LMO3: variants seen among roughly 807,000 people sequenced by gnomAD.
LMO3 encodes LIM domain only 3, also known as LIM domain only protein 3.
Under a neutral mutation model 15.8 loss-of-function variants are expected in LMO3, and 2 were observed. The observed-to-expected ratio is 0.13, with a 90% CI of 0.05 to 0.40. LMO3 has a LOEUF of 0.40. LMO3 is among the 10% of genes least tolerant of loss of function. LMO3 has a pLI of 0.99. For synonymous variants in LMO3, 62 were observed against 63.8 expected, an observed-to-expected ratio of 0.97 and a Z score of 0.13; for missense variants, 86 against 182.2, an observed-to-expected ratio of 0.47 and a Z score of 3.04.
chr12:16,587,329 GGTAA>G lies in LMO3; in HGVS notation c.206+13322_206+13325del, dbSNP rs1175348594. On this transcript the variant is annotated intron_variant, in intron 2 of 3. Transcript: ENST00000537304. The surrounding 1 kb of genome is among the most constrained non-coding windows in gnomAD (Gnocchi z 4.3). ...ACTGCAGTGTTACAGCTTTCTAAAT[GGTAA>G]GTAACTGTTTAAAAATTCCAAAGCA... Among the ~76,000 whole-genome samples, 3 of 152,092 alleles carry G rather than the reference GGTAA, an allele frequency of 2.0e-5. No individual in the cohort carries two copies. The highest frequency in any genetic ancestry group is 4.8e-5 in the African/African-American group (2 of 41,418).
At chr12:16,561,231 T>C (rs1163532545) in intron 2 of LMO3, among the ~76,000 whole-genome samples, 1 of 152,188 alleles carries the variant, frequency 6.6e-6, no homozygotes, top group Non-Finnish European at 1.5e-5. Flanking sequence ...GAATCGTTAT[T>C]GTAATGACCT....
rs538020152 is a variant in LMO3 at position 16,597,226 on chromosome 12, T to C, written c.206+3429A>G. 3.9e-4 allele frequency among the ~76,000 whole-genome samples: 59 copies of C among 151,864 alleles called. No individual in the cohort carries two copies. Among genetic ancestry groups the C allele is most frequent in the African/African-American group, 1.4e-3 (59 of 41,526 alleles). ...GATTTGATACTTAGTGTACAAACTA[T>C]GGAAGATTTTTCTTTCTTTTTCTCT... On this transcript the variant is annotated intron_variant, in intron 2 of 3. Transcript: ENST00000537304. The surrounding 1 kb of genome is among the most constrained non-coding windows in gnomAD (Gnocchi z 5.0).
chr12:16,550,302 T>C lies in LMO3; in HGVS notation c.*920A>G, dbSNP rs1397903108. ...TTTATACAAGAAGAAGTTTAATTTA[T>C]CACTTAAAAATCATCTCATAATTGT... is the stretch of plus-strand genomic sequence containing the variant. On this transcript the variant is annotated 3_prime_UTR_variant, in exon 4 of 4. Transcript: ENST00000537304. The C allele has an allele frequency of 6.6e-6, 1 of 152,464 alleles. No individual in the cohort carries two copies. Among genetic ancestry groups the C allele is most frequent in the Non-Finnish European group, 1.5e-5 (1 of 67,908 alleles). The allele number at this position is 152,464 out of a possible 1,614,324, so 9.4% of individuals were successfully genotyped here.
chr12:16,605,317 C>T lies in LMO3; in HGVS notation c.-9+749G>A, dbSNP rs572125063. The T allele has an allele frequency of 1.7e-5, 20 of 1,162,362 alleles. No homozygotes were observed. The Admixed American group carries it at 2.2e-4, about 13-fold the overall frequency. The allele number at this position is 1,162,362 out of a possible 1,614,324, so 72.0% of individuals were successfully genotyped here. A position where few individuals can be genotyped will look rare whatever the true frequency, so the allele number is the denominator to read the frequency against. The stretch of plus-strand genomic sequence containing the variant: ...AAATCTGACTTGTATTTCATAACAG[C>T]AATCTGAGTAGTCCCCGTAAAAAAT... On this transcript the variant is annotated intron_variant, in intron 1 of 3. Transcript: ENST00000537304.
At position 16,560,576 on chromosome 12, in the gene LMO3, T is replaced by TA; in HGVS notation, c.207-39dup. 1.3e-6 allele frequency: 2 copies of TA among 1,582,312 alleles called. No homozygotes were observed. Among genetic ancestry groups the TA allele is most frequent in the Non-Finnish European group, 1.7e-6 (2 of 1,158,156 alleles). ...ACATTTTTTTTTTTTTACAAACTCT[T>TA]ACAGAGAAATCTGAGATCGTGAAGA... On this transcript the variant is annotated intron_variant, in intron 2 of 3. Coordinates refer to ENST00000537304, the MANE Select transcript of LMO3 (RefSeq NM_018640.5). This position sits in a 1 kb window ranked among gnomAD's most constrained non-coding sequence, Gnocchi z 5.0.
At chr12:16,594,029 C>T (rs572741807) in intron 2 of LMO3, 2 of 932,266 alleles carry the variant, frequency 2.1e-6, no homozygotes, top group South Asian at 2.1e-5. Flanking sequence ...AGTTGTCCTA[C>T]ATGTTAGACT....
chr12:16,575,141 T>C (rs16912040), intron 2 of LMO3, among the ~76,000 whole-genome samples: 1,833 of 152,300 alleles, frequency 0.012, 115 homozygotes, highest in East Asian at 0.11. Context: ...TAATCTAAAC[T>C]TAACATTATG....
intron 3 of LMO3, among the ~76,000 whole-genome samples, chr12:16,554,500 C>A (rs1942111950): frequency 1.3e-5 from 2 of 152,162 alleles, no homozygotes; most frequent in South Asian, 4.1e-4. Context: ...CTCCACTATA[C>A]ACCTGTGAAC....
In LMO3 at chr12:16,598,883, T is replaced by C. The variant is rs948760365; in HGVS notation, c.206+1772A>G. On this transcript the variant is annotated intron_variant, in intron 2 of 3. Coordinates refer to ENST00000537304, the MANE Select transcript of LMO3 (RefSeq NM_018640.5). This position sits in a 1 kb window ranked among gnomAD's most constrained non-coding sequence, Gnocchi z 4.3. ...TTCTTTCAAGTTTACTTAATTTTTG[T>C]CCTTTGGTTTATTAAAACACCTTAA... 1 of 271,478 alleles carries C rather than the reference T, an allele frequency of 3.7e-6. No homozygotes were observed. Among genetic ancestry groups the C allele is most frequent in the Non-Finnish European group, 7.7e-6 (1 of 130,680 alleles). The allele number at this position is 271,478 out of a possible 1,614,324, so 16.8% of individuals were successfully genotyped here.
Position 16,606,055 on chromosome 12 carries a change from G to T in LMO3, c.-9+11C>A. On this transcript the variant is annotated intron_variant, in intron 1 of 3. Coordinates refer to ENST00000537304, the MANE Select transcript of LMO3 (RefSeq NM_018640.5). ...TAAGCCGACGCGTGTGTACACAGTTGCTGCACTTACCTTCTCAATTAAGCG... is the reference window on the plus strand; with the variant it reads ...TAAGCCGACGCGTGTGTACACAGTTTCTGCACTTACCTTCTCAATTAAGCG... 1.8e-6 allele frequency: 1 copy of T among 553,350 alleles called. No individual in the cohort carries two copies. The allele number at this position is 553,350 out of a possible 1,614,324, so 34.3% of individuals were successfully genotyped here.
rs1943507273 is a variant in LMO3, at chr12:16,591,997, T to C, written c.206+8658A>G. Among the ~76,000 whole-genome samples the C allele has an allele frequency of 1.3e-5, 2 of 152,094 alleles. No homozygotes were observed. Among genetic ancestry groups the C allele is most frequent in the African/African-American group, 4.8e-5 (2 of 41,426 alleles). On this transcript the variant is annotated intron_variant, in intron 2 of 3. Coordinates refer to ENST00000537304, the MANE Select transcript of LMO3 (RefSeq NM_018640.5). This position sits in a 1 kb window ranked among gnomAD's most constrained non-coding sequence, Gnocchi z 4.1. ...TTAGTTATTTGACAATAATAGTGAC[T>C]ATGTTTATCAGGTGTAGAAAATTTG...
chr12:16,594,265 AACAAG>A, intron 2 of LMO3: 3 of 1,525,296 alleles, frequency 2.0e-6, no homozygotes, highest in Middle Eastern at 1.7e-4. Context: ...TCAAATGCTT[AACAAG>A]AGGAAGTGCC....
intron 2 of LMO3, among the ~76,000 whole-genome samples, chr12:16,574,672 C>A (rs528972615): frequency 4.2e-4 from 64 of 152,260 alleles, no homozygotes; most frequent in African/African-American, 1.5e-3. Flanking sequence ...GCTCTGTTAA[C>A]TGCAAGACAC....
intron 2 of LMO3, among the ~76,000 whole-genome samples, chr12:16,562,226 G>A (rs1942432517): frequency 6.6e-6 from 1 of 152,034 alleles, no homozygotes; most frequent in South Asian, 2.1e-4. Context: ...TTATTTTTCA[G>A]TGTACTTAAC....
chr12:16,574,909 C>T (rs570842329), intron 2 of LMO3, among the ~76,000 whole-genome samples: 2 of 152,078 alleles, frequency 1.3e-5, no homozygotes, highest in South Asian at 2.1e-4. Flanking sequence ...TGGCCGAGTC[C>T]GAGTCTATGT....
Position 16,606,074 on chromosome 12 carries a change from T to C in LMO3, c.-17A>G. On this transcript the variant is annotated 5_prime_UTR_variant, in exon 1 of 4. Coordinates refer to ENST00000537304, the MANE Select transcript of LMO3 (RefSeq NM_018640.5). ...ACAGTTGCTGCACTTACCTTCTCAA[T>C]TAAGCGATACAGGGGGAGGCCGTTC... The C allele has an allele frequency of 2.0e-6, 1 of 506,372 alleles. No individual in the cohort carries two copies. Among genetic ancestry groups the C allele is most frequent in the Non-Finnish European group, 3.5e-6 (1 of 282,178 alleles). The allele number at this position is 506,372 out of a possible 1,614,324, so 31.4% of individuals were successfully genotyped here. A position where few individuals can be genotyped will look rare whatever the true frequency, so the allele number is the denominator to read the frequency against.
chr12:16,601,324 T>C (rs1453349266), intron 1 of LMO3, among the ~76,000 whole-genome samples: 2 of 152,218 alleles, frequency 1.3e-5, no homozygotes, highest in African/African-American at 2.4e-5. Flanking sequence ...ATGTGCTTGA[T>C]GGTGGAAGGA....
At chr12:16,565,983 CATATATATATATATATATATATATATAT>C (rs61358392) in intron 2 of LMO3, among the ~76,000 whole-genome samples, 598 of 43,852 alleles carry the variant, frequency 0.014, 48 homozygotes, top group South Asian at 0.064. Flanking sequence ...GAAAATGTGC[CATATATATATATATATATATATATATAT>C]ATATATATAT....
intron 2 of LMO3, among the ~76,000 whole-genome samples, chr12:16,566,520 A>G (rs1214491653): frequency 6.6e-6 from 1 of 152,198 alleles, no homozygotes; most frequent in Non-Finnish European, 1.5e-5. Context: ...ACTGTACCCT[A>G]GAAATATGTA....
Sources: allele counts gnomAD v4.1 joint callset (sites outside exome capture counted in the v4.1 genomes callset), GRCh38; gene constraint gnomAD v4.1.1; non-coding constraint Gnocchi (gnomAD v3.1); transcripts MANE v1.5; gene names NCBI Gene and HGNC (gene_info 2026-07-23, HGNC 2026-07-21).